The following RAI14 variants were observed in gnomAD, a reference collection of about 807,000 sequenced individuals.
The protein encoded by RAI14 is retinoic acid induced 14.
Under a neutral mutation model 115.4 loss-of-function variants are expected in RAI14, and 45 were observed. The observed-to-expected ratio is 0.39, with a 90% CI of 0.31 to 0.50. RAI14 has a LOEUF of 0.50. Among genes scored for constraint, RAI14 ranks in the 20% least tolerant of loss-of-function variants. The probability of loss-of-function intolerance (pLI) is 0.85; values close to 1 mark genes in which losing one functional copy is unlikely to be tolerated. For missense variants in RAI14, 939 were observed against 1,131.2 expected (o/e 0.83, Z 2.44); for synonymous variants, 371 against 415.4 (o/e 0.89, Z 1.30).
At chr5:34,678,675 A>G (rs934427780) in intron 1 of RAI14, among the ~76,000 whole-genome samples, 3 of 152,206 alleles carry the variant, frequency 2.0e-5, no homozygotes, top group Non-Finnish European at 4.4e-5. Flanking sequence ...TAAACTACCC[A>G]GTCTGTGGTA....
intron 2 of RAI14, among the ~76,000 whole-genome samples, chr5:34,753,269 T>C (rs1203690229): frequency 6.6e-6 from 1 of 152,188 alleles, no homozygotes; most frequent in Non-Finnish European, 1.5e-5. Flanking sequence ...TACTTTGGGA[T>C]GTTATGATAA....
intron 17 of RAI14, 111 bp from the exon 18 acceptor site, chr5:34,830,577 T>A: frequency 6.5e-7 from 1 of 1,528,498 alleles, no homozygotes; most frequent in Non-Finnish European, 8.8e-7. Flanking sequence ...CTGTGAAAGA[T>A]GTGGGAATTA....
In RAI14 at chr5:34,821,763, A is replaced by C. The variant is rs1756855573; in HGVS notation, c.1026A>C (p.Glu342Asp). The C allele has an allele frequency of 6.2e-7, 1 of 1,611,888 alleles. No individual in the cohort carries two copies. Among genetic ancestry groups the C allele is most frequent in the African/African-American group, 1.3e-5 (1 of 74,840 alleles). ...ATAGCTTATTGGATATAAGTTCTGA[A>C]GCTGACCAACAAGATCTTCTCTCTC... ...GADSLLDISSEADQQDLLSLL... is the reference protein window; with the variant it reads ...GADSLLDISSDADQQDLLSLL... The change falls in exon 14 of 18, where the codon GAA becomes GAC. Residue 342 changes from glutamate to aspartate, a missense_variant. Transcript: ENST00000265109.
At chr5:34,751,935 T>A (rs979597256) in intron 2 of RAI14, among the ~76,000 whole-genome samples, 4 of 152,196 alleles carry the variant, frequency 2.6e-5, no homozygotes, top group African/African-American at 9.7e-5. Context: ...CCAGTTGTCC[T>A]CAAGTTAGCA....
chr5:34,825,843 A>AT (rs1316179207), intron 15 of RAI14, among the ~76,000 whole-genome samples: 1 of 152,072 alleles, frequency 6.6e-6, no homozygotes, highest in Non-Finnish European at 1.5e-5. Context: ...GGGAACAGGG[A>AT]TTAGGGAGTG....
chr5:34,783,868 C>T (rs1188969903), intron 3 of RAI14, among the ~76,000 whole-genome samples: 1 of 152,172 alleles, frequency 6.6e-6, no homozygotes, highest in Non-Finnish European at 1.5e-5. Context: ...TGCCCATCAC[C>T]GCAAAACACT....
In RAI14 at chr5:34,714,049, G is replaced by A. The variant is rs568878205; in HGVS notation, c.36+27094G>A. 3.3e-5 allele frequency among the ~76,000 whole-genome samples: 5 copies of A among 151,036 alleles called. No individual in the cohort carries two copies. The South Asian group carries it at 6.3e-4, about 19-fold the overall frequency. On this transcript the variant is annotated intron_variant, in intron 2 of 17. Transcript: ENST00000265109. The stretch of plus-strand genomic sequence containing the variant: ...GAACTCCTGACCTCATGATCTGCCC[G>A]CCTCGGCCTCCCAAAGTGATGGGAT...
intron 2 of RAI14, among the ~76,000 whole-genome samples, chr5:34,707,294 A>G (rs1740818943): frequency 6.6e-6 from 1 of 152,124 alleles, no homozygotes; most frequent in Non-Finnish European, 1.5e-5. Flanking sequence ...TGGTAAAACC[A>G]CATCTCTACT....
chr5:34,660,748 T>A (rs1742625181), intron 1 of RAI14, among the ~76,000 whole-genome samples: 1 of 151,278 alleles, frequency 6.6e-6, no homozygotes, highest in African/African-American at 2.4e-5. Flanking sequence ...CACATTGGCG[T>A]CCTCATTCCT....
chr5:34,820,250 CA>C (rs1388397723), intron 13 of RAI14, among the ~76,000 whole-genome samples: 1 of 152,126 alleles, frequency 6.6e-6, no homozygotes, highest in Non-Finnish European at 1.5e-5. Context: ...CAGTGCTTTT[CA>C]AAGTGTGGGT....
intron 2 of RAI14, among the ~76,000 whole-genome samples, chr5:34,730,080 G>A (rs950693020): frequency 2.6e-5 from 4 of 152,148 alleles, no homozygotes; most frequent in Non-Finnish European, 1.5e-5. Context: ...TGAAAGGCAC[G>A]AGACTGACAT....
At chr5:34,757,751 C>T in intron 3 of RAI14, 153 bp downstream of exon 3, 1 of 1,036,436 alleles carries the variant, frequency 9.6e-7, no homozygotes, top group Non-Finnish European at 1.3e-6. Flanking sequence ...GTGCCTTTCT[C>T]TCCAAATTCC....
At chr5:34,826,271 T>TTTA (rs1451686339) in intron 15 of RAI14, 59 bp from the exon 16 acceptor site, 3 of 1,518,400 alleles carry the variant, frequency 2.0e-6, no homozygotes, top group Non-Finnish European at 2.7e-6. Flanking sequence ...TACAAATATA[T>TTTA]GAAATTTTGC....
intron 2 of RAI14, among the ~76,000 whole-genome samples, chr5:34,706,837 A>G (rs900782993): frequency 6.6e-6 from 1 of 152,118 alleles, no homozygotes; most frequent in Non-Finnish European, 1.5e-5. Context: ...GATGGATGGC[A>G]TTTCATGAAA....
At chr5:34,687,413 G>A in intron 2 of RAI14, 1 of 459,314 alleles carries the variant, frequency 2.2e-6, no homozygotes, top group African/African-American at 2.0e-5. Context: ...TGGTAAAATG[G>A]TATCTACTGC....
chr5:34,708,852 G>C (rs1741049240), intron 2 of RAI14, among the ~76,000 whole-genome samples: 1 of 152,094 alleles, frequency 6.6e-6, no homozygotes, highest in African/African-American at 2.4e-5. Flanking sequence ...ATCTAATAAT[G>C]ATAGAACTGG....
chr5:34,773,513 G>A (rs890560851), intron 3 of RAI14, among the ~76,000 whole-genome samples: 2 of 151,934 alleles, frequency 1.3e-5, no homozygotes, highest in Non-Finnish European at 2.9e-5. Flanking sequence ...ATTCATCAAG[G>A]AACTAATATC....
chr5:34,794,485 T>C (rs1391102418), intron 3 of RAI14, among the ~76,000 whole-genome samples: 4 of 152,206 alleles, frequency 2.6e-5, no homozygotes, highest in African/African-American at 9.6e-5. Flanking sequence ...CAAAGTTTTA[T>C]TGTAATGTGA....
chr5:34,664,715 C>G (rs1438898359), intron 1 of RAI14, among the ~76,000 whole-genome samples: 2 of 151,374 alleles, frequency 1.3e-5, no homozygotes, highest in African/African-American at 4.9e-5. Context: ...TTTTGGTGTA[C>G]CCATCACCTG....
Sources: allele counts gnomAD v4.1 joint callset (sites outside exome capture counted in the v4.1 genomes callset), GRCh38; gene constraint gnomAD v4.1.1; transcripts MANE v1.5; gene names NCBI Gene and HGNC (gene_info 2026-07-23, HGNC 2026-07-21).